The following MAP2K6 variants were observed in gnomAD, a reference collection of about 807,000 sequenced individuals.
MAP2K6 encodes dual specificity mitogen-activated protein kinase kinase 6.
MAP2K6 carries 16 observed loss-of-function variants against 53.7 expected under a neutral mutation model. The observed-to-expected ratio is 0.30, with a 90% CI of 0.20 to 0.45. The LOEUF (loss-of-function observed/expected upper bound fraction) is 0.45. Ranked by LOEUF, MAP2K6 falls within the 20% of genes least tolerant of loss-of-function variation. MAP2K6 has a pLI of 1.00. For missense variants in MAP2K6, 204 were observed against 411.9 expected (o/e 0.50, Z 4.37); for synonymous variants, 132 against 143.1 (o/e 0.92, Z 0.55).
chr17:69,490,218 C>T (rs750345507), intron 1 of MAP2K6, among the ~76,000 whole-genome samples: 11 of 152,180 alleles, frequency 7.2e-5, no homozygotes, highest in Non-Finnish European at 1.3e-4. Context: ...TTAGAAAGAC[C>T]TGGAAGGGGG....
chr17:69,526,832 C>T (rs1910800294), intron 10 of MAP2K6, 123 bp downstream of exon 10: 3 of 1,237,002 alleles, frequency 2.4e-6, no homozygotes, highest in East Asian at 2.6e-5. Context: ...TGGAGTATGC[C>T]CTCTCTGCTG....
chr17:69,462,549 C>T (rs965544268), intron 1 of MAP2K6, among the ~76,000 whole-genome samples: 21 of 152,306 alleles, frequency 1.4e-4, no homozygotes, highest in Non-Finnish European at 1.9e-4. Flanking sequence ...CCTTCTCAAC[C>T]ACTCAGAACT....
intron 1 of MAP2K6, among the ~76,000 whole-genome samples, chr17:69,471,118 T>C (rs1449553625): frequency 6.6e-6 from 1 of 152,064 alleles, no homozygotes; most frequent in Non-Finnish European, 1.5e-5. Flanking sequence ...CAAAATAGGG[T>C]AGGAAAAAAA....
chr17:69,502,356 A>G (rs758973431), intron 1 of MAP2K6: 21 of 985,334 alleles, frequency 2.1e-5, no homozygotes, highest in Non-Finnish European at 2.4e-5. Flanking sequence ...TGCAGCCTCG[A>G]AAACCTCACC....
intron 2 of MAP2K6, among the ~76,000 whole-genome samples, chr17:69,512,380 C>T (rs1909894015): frequency 8.4e-6 from 1 of 119,586 alleles, no homozygotes; most frequent in South Asian, 2.7e-4. Context: ...CACTGTGTTG[C>T]CCAGGCTGGA....
intron 9 of MAP2K6, 134 bp downstream of exon 9, chr17:69,525,112 T>G (rs1910699622): frequency 6.7e-6 from 4 of 599,740 alleles, no homozygotes; most frequent in African/African-American, 3.7e-5. Context: ...GGTAGGAGAT[T>G]TTGAGTAATA....
intron 5 of MAP2K6, chr17:69,520,034 A>C: frequency 2.2e-6 from 1 of 454,222 alleles, no homozygotes; most frequent in Non-Finnish European, 3.9e-6. Context: ...ATTTTTCATT[A>C]AGGGGTAGGA....
intron 2 of MAP2K6, among the ~76,000 whole-genome samples, chr17:69,508,041 G>GA (rs1909606958): frequency 4.5e-5 from 2 of 44,874 alleles, no homozygotes; most frequent in East Asian, 1.9e-3. Flanking sequence ...TATATATGTA[G>GA]TTTTTTTTTT....
intron 2 of MAP2K6, among the ~76,000 whole-genome samples, chr17:69,515,349 G>T (rs1910088091): frequency 6.6e-6 from 1 of 151,866 alleles, no homozygotes; most frequent in Non-Finnish European, 1.5e-5. Flanking sequence ...TAGAGATGGG[G>T]TTTCACCACG....
chr17:69,509,951 T>A (rs150125093), intron 2 of MAP2K6, among the ~76,000 whole-genome samples: 1 of 152,170 alleles, frequency 6.6e-6, no homozygotes, highest in East Asian at 1.9e-4. Context: ...CAAGTGATCC[T>A]CCCATCTCAG....
rs1598267889 is a variant in MAP2K6 at position 69,450,411 on chromosome 17, A to G, written c.16+35411A>G. On this transcript the variant is annotated intron_variant, in intron 1 of 11. Coordinates refer to ENST00000590474, the MANE Select transcript of MAP2K6 (RefSeq NM_002758.4). ...AGGTTGGTCTCCAAGTTGCCTGGCC[A>G]GGAGGTAACCAGATGGTGCACCTGC... 1.3e-5 allele frequency among the ~76,000 whole-genome samples: 2 copies of G among 152,254 alleles called. 1 individual carries two copies. Among genetic ancestry groups the G allele is most frequent in the East Asian group, 3.8e-4 (2 of 5,200 alleles).
At position 69,513,288 on chromosome 17, in the gene MAP2K6, T is replaced by C. The variant is rs1768538947; in HGVS notation, c.84-3567T>C. 1.3e-5 allele frequency among the ~76,000 whole-genome samples: 2 copies of C among 152,212 alleles called. 1 individual carries two copies. The highest frequency in any genetic ancestry group is 2.9e-5 in the Non-Finnish European group (2 of 68,030). On this transcript the variant is annotated intron_variant, in intron 2 of 11. Coordinates refer to ENST00000590474, the MANE Select transcript of MAP2K6 (RefSeq NM_002758.4). ...GGTATTGGGAGCAAGTTCCTTGTAT[T>C]CAGTCTGCCTCGATGGGAATCGCAA...
chr17:69,549,303 T>C lies in MAP2K6; in HGVS notation c.*7550T>C, dbSNP rs1912001446. On this transcript the variant is annotated 3_prime_UTR_variant, in exon 12 of 12. Coordinates refer to ENST00000590474, the MANE Select transcript of MAP2K6 (RefSeq NM_002758.4). ...GGTCTTTTTCAAGGAAGGAGGCTAA[T>C]GTTTAAGGCCTGGAGGCTGAATTCA... 6.6e-6 allele frequency: 1 copy of C among 152,218 alleles called. No homozygotes were observed. The highest frequency in any genetic ancestry group is 2.4e-5 in the African/African-American group (1 of 41,458). The allele number at this position is 152,218 out of a possible 1,614,324, so 9.4% of individuals were successfully genotyped here.
At chr17:69,487,289 C>T (rs1230793023) in intron 1 of MAP2K6, among the ~76,000 whole-genome samples, 1 of 152,180 alleles carries the variant, frequency 6.6e-6, no homozygotes, top group East Asian at 1.9e-4. Context: ...TACATCTGTA[C>T]AAGCTCTGTG....
chr17:69,468,673 G>C (rs1297289405), intron 1 of MAP2K6, among the ~76,000 whole-genome samples: 1 of 152,160 alleles, frequency 6.6e-6, no homozygotes, highest in Non-Finnish European at 1.5e-5. Flanking sequence ...AGGGAGCCAG[G>C]GGTGTCCAAA....
chr17:69,444,914 CTTTTAT>C (rs1260553285), intron 1 of MAP2K6, among the ~76,000 whole-genome samples: 1 of 152,082 alleles, frequency 6.6e-6, no homozygotes, highest in East Asian at 1.9e-4. Context: ...AGCACATTTT[CTTTTAT>C]TTTTATTTTT....
chr17:69,426,226 A>G (rs817556), intron 1 of MAP2K6, among the ~76,000 whole-genome samples: 90,603 of 152,042 alleles, frequency 0.6, 28,468 homozygotes, highest in African/African-American at 0.81. Flanking sequence ...CATGCTGGGT[A>G]GAAATAGGCA....
intron 1 of MAP2K6, among the ~76,000 whole-genome samples, chr17:69,435,888 G>A (rs756847856): frequency 2.6e-5 from 4 of 151,938 alleles, no homozygotes; most frequent in Non-Finnish European, 4.4e-5. Flanking sequence ...GGCTGGTCTC[G>A]AACTTTTGAC....
At chr17:69,531,614 T>C (rs1911089013) in intron 10 of MAP2K6, among the ~76,000 whole-genome samples, 1 of 152,148 alleles carries the variant, frequency 6.6e-6, no homozygotes, top group South Asian at 2.1e-4. Flanking sequence ...TGCATTTCTT[T>C]TGCAGTAACA....
Sources: allele counts gnomAD v4.1 joint callset (sites outside exome capture counted in the v4.1 genomes callset), GRCh38; gene constraint gnomAD v4.1.1; transcripts MANE v1.5; gene names NCBI Gene and HGNC (gene_info 2026-07-23, HGNC 2026-07-21).